The following SYT1 variants were observed in gnomAD, a reference collection of about 807,000 sequenced individuals.
SYT1 encodes the protein synaptotagmin 1, also known as synaptotagmin-1.
A neutral mutation model predicts 44.8 loss-of-function variants in SYT1; 8 were observed. That is an observed-to-expected ratio of 0.18 (90% CI 0.10 to 0.32). The LOEUF is 0.32. SYT1 is among the 10% of genes least tolerant of loss of function. The pLI is 1.00. For synonymous variants in SYT1, 154 were observed against 188.8 expected (o/e 0.82, Z 1.51); for missense variants, 286 against 509.3 (o/e 0.56, Z 4.22).
intron 1 of SYT1, among the ~76,000 whole-genome samples, chr12:78,940,269 G>A (rs1366669006): frequency 6.6e-6 from 1 of 151,992 alleles, no homozygotes; most frequent in Non-Finnish European, 1.5e-5. Context: ...TGAGTCTCCT[G>A]ATTTCAATTC....
intron 9 of SYT1, among the ~76,000 whole-genome samples, chr12:79,404,509 C>T (rs953769914): frequency 3.9e-5 from 6 of 152,262 alleles, no homozygotes; most frequent in Middle Eastern, 3.4e-3. Context: ...ATTTCCAAGT[C>T]TTGCTGGATG....
chr12:79,200,696 G>A (rs1873732007), intron 3 of SYT1, among the ~76,000 whole-genome samples: 1 of 152,140 alleles, frequency 6.6e-6, no homozygotes, highest in Non-Finnish European at 1.5e-5. Context: ...CTTTCATTCA[G>A]AGAAGAAGTA....
chr12:79,287,161 C>A (rs1373075476), intron 5 of SYT1, among the ~76,000 whole-genome samples: 1 of 152,106 alleles, frequency 6.6e-6, no homozygotes, highest in African/African-American at 2.4e-5. Flanking sequence ...AATAATTTCA[C>A]AAAGGCTCAT....
chr12:79,118,344 A>T (rs901862520), intron 3 of SYT1, among the ~76,000 whole-genome samples: 3 of 152,130 alleles, frequency 2.0e-5, no homozygotes, highest in Non-Finnish European at 4.4e-5. Flanking sequence ...AGGTTTTTCA[A>T]AGTTTGGGTT....
chr12:78,871,094 A>G (rs1036255249), intron 1 of SYT1, among the ~76,000 whole-genome samples: 5 of 152,028 alleles, frequency 3.3e-5, no homozygotes, highest in African/African-American at 1.2e-4. Context: ...ATAAAGCTGA[A>G]AGGATTGTTT....
chr12:78,995,281 T>C (rs1050458700), intron 2 of SYT1, among the ~76,000 whole-genome samples: 7 of 152,180 alleles, frequency 4.6e-5, no homozygotes, highest in Non-Finnish European at 1.0e-4. Flanking sequence ...TAAAAGCAAG[T>C]GTCTATATCC....
chr12:78,949,779 G>C (rs962952238), intron 1 of SYT1, among the ~76,000 whole-genome samples: 1 of 151,960 alleles, frequency 6.6e-6, no homozygotes, highest in Non-Finnish European at 1.5e-5. Context: ...GAGAAACAGA[G>C]AAGCCACAGA....
chr12:79,410,882 G>A (rs1009212098), intron 9 of SYT1, among the ~76,000 whole-genome samples: 8 of 152,158 alleles, frequency 5.3e-5, no homozygotes, highest in Admixed American at 1.3e-4. Context: ...CAGCATGCTA[G>A]TGTAGATGTG....
At chr12:79,293,731 T>C (rs538208607) in intron 6 of SYT1, among the ~76,000 whole-genome samples, 33 of 152,328 alleles carry the variant, frequency 2.2e-4, no homozygotes, top group African/African-American at 7.5e-4. Context: ...TTCCAGAGGG[T>C]TCCTCATGAA....
At chr12:79,283,237 A>C (rs1879140053) in intron 4 of SYT1, among the ~76,000 whole-genome samples, 1 of 152,194 alleles carries the variant, frequency 6.6e-6, no homozygotes, top group East Asian at 1.9e-4. Context: ...ATTATATTTA[A>C]TACAGCATAT....
intron 4 of SYT1, among the ~76,000 whole-genome samples, chr12:79,238,723 C>T (rs1397883653): frequency 6.6e-6 from 1 of 152,216 alleles, no homozygotes; most frequent in African/African-American, 2.4e-5. Context: ...CATATCCACA[C>T]CCTTGATGTC....
intron 3 of SYT1, among the ~76,000 whole-genome samples, chr12:79,204,544 T>C (rs1371032920): frequency 6.6e-6 from 1 of 152,216 alleles, no homozygotes; most frequent in African/African-American, 2.4e-5. Context: ...CCGATTGGCT[T>C]GCTTCAACTA....
intron 3 of SYT1, among the ~76,000 whole-genome samples, chr12:79,048,060 A>T (rs1874204465): frequency 6.6e-6 from 1 of 151,884 alleles, no homozygotes; most frequent in South Asian, 2.1e-4. Flanking sequence ...CAATAACATA[A>T]AGATAGAAAA....
intron 9 of SYT1, among the ~76,000 whole-genome samples, chr12:79,365,584 G>T (rs11113980): frequency 0.12 from 18,568 of 151,958 alleles, 1,267 homozygotes; most frequent in East Asian, 0.24. Context: ...GTAATACAAA[G>T]AGTTTCTACA....
At position 78,931,244 on chromosome 12, in the gene SYT1, AAG is replaced by A. The variant is rs1877673212; in HGVS notation, c.-216-46554_-216-46553del. On this transcript the variant is annotated intron_variant, in intron 1 of 10. Coordinates refer to ENST00000261205, the MANE Select transcript of SYT1 (RefSeq NM_005639.3). Reference sequence around the variant, plus strand: ...GAAAGAAAGAAAGAAAGAAAGAAGGAAGGAAGGAAGGAAGGAAGGAAGGAAGG... The same window carrying A: ...GAAAGAAAGAAAGAAAGAAAGAAGGAGAAGGAAGGAAGGAAGGAAGGAAGG... 5.7e-3 allele frequency among the ~76,000 whole-genome samples: 185 copies of A among 32,184 alleles called. 1 individual carries two copies. Among genetic ancestry groups the A allele is most frequent in the Non-Finnish European group, 7.0e-3 (110 of 15,740 alleles). 21.1% of individuals were successfully genotyped at this position (32,184 alleles called of 152,430 possible).
At chr12:79,291,686 C>T (rs956493828) in intron 5 of SYT1, 1 of 443,416 alleles carries the variant, frequency 2.3e-6, no homozygotes, top group African/African-American at 2.0e-5. Flanking sequence ...TATCTTTCCT[C>T]TGAAAGCAGC....
intron 2 of SYT1, among the ~76,000 whole-genome samples, chr12:79,001,740 G>T (rs1008495917): frequency 3.3e-5 from 5 of 152,146 alleles, no homozygotes; most frequent in African/African-American, 1.2e-4. Flanking sequence ...TTTTTCTGGT[G>T]ATAATATTTT....
chr12:79,006,043 T>A (rs1871056674), intron 2 of SYT1, among the ~76,000 whole-genome samples: 1 of 152,106 alleles, frequency 6.6e-6, no homozygotes, highest in South Asian at 2.1e-4. Context: ...ACAGGCCTCA[T>A]CTCCTAACAA....
intron 3 of SYT1, among the ~76,000 whole-genome samples, chr12:79,152,597 ATATT>A (rs1592796424): frequency 1.3e-5 from 2 of 152,248 alleles, no homozygotes; most frequent in Non-Finnish European, 2.9e-5. Flanking sequence ...TATTACCTAA[ATATT>A]TATCCATTAT....
Sources: allele counts gnomAD v4.1 joint callset (sites outside exome capture counted in the v4.1 genomes callset), GRCh38; gene constraint gnomAD v4.1.1; transcripts MANE v1.5; gene names NCBI Gene and HGNC (gene_info 2026-07-23, HGNC 2026-07-21).